VWC2: variants seen among roughly 807,000 people sequenced by gnomAD.
The protein encoded by VWC2 is von Willebrand factor C domain containing 2, also known as brorin.
A neutral mutation model predicts 29.8 loss-of-function variants in VWC2; 14 were observed. The observed-to-expected ratio is 0.47, with a 90% CI of 0.31 to 0.74. The LOEUF (loss-of-function observed/expected upper bound fraction) is 0.74, where lower values mean the gene tolerates loss of function less well. Among genes scored for constraint, VWC2 ranks in the 30% least tolerant of loss-of-function variants. The pLI is 0.05. For synonymous variants in VWC2, 213 were observed against 199.0 expected (o/e 1.07, Z -0.59); for missense variants, 457 against 459.8 (o/e 0.99, Z 0.05).
intron 3 of VWC2, among the ~76,000 whole-genome samples, chr7:49,841,444 G>A (rs1260125068): frequency 6.6e-6 from 1 of 152,166 alleles, no homozygotes; most frequent in Non-Finnish European, 1.5e-5. Context: ...ATTTAAGGTA[G>A]GGATTCAGTG....
intron 3 of VWC2, among the ~76,000 whole-genome samples, chr7:49,805,683 A>T (rs1386627390): frequency 6.6e-6 from 1 of 152,238 alleles, no homozygotes; most frequent in Non-Finnish European, 1.5e-5. Context: ...CCACATAAAC[A>T]ATGTTCTTGT....
intron 2 of VWC2, among the ~76,000 whole-genome samples, chr7:49,782,361 A>T (rs1788197234): frequency 6.6e-6 from 1 of 152,140 alleles, no homozygotes. Context: ...AGTTGATATC[A>T]TGAGGAGGTT....
intron 3 of VWC2, among the ~76,000 whole-genome samples, chr7:49,892,878 C>A (rs1205368767): frequency 1.3e-5 from 2 of 152,228 alleles, no homozygotes. Context: ...ATGCTGCCCA[C>A]TCTGCCCCTT....
intron 2 of VWC2, among the ~76,000 whole-genome samples, chr7:49,784,524 T>C (rs1788251847): frequency 6.6e-6 from 1 of 152,102 alleles, no homozygotes; most frequent in Non-Finnish European, 1.5e-5. Context: ...AGAGTTCAGG[T>C]CCCCAAGTAG....
chr7:49,798,353 G>A (rs913038069), intron 2 of VWC2, among the ~76,000 whole-genome samples: 2 of 152,240 alleles, frequency 1.3e-5, no homozygotes, highest in African/African-American at 4.8e-5. Context: ...GGTGAAATGA[G>A]CCTAAAAGAG....
intron 3 of VWC2, among the ~76,000 whole-genome samples, chr7:49,829,359 G>T (rs548927067): frequency 6.6e-6 from 1 of 152,190 alleles, no homozygotes; most frequent in South Asian, 2.1e-4. Flanking sequence ...AGAGTTTTGG[G>T]TTTCTAGGGA....
intron 3 of VWC2, among the ~76,000 whole-genome samples, chr7:49,819,752 G>A (rs558260181): frequency 6.6e-6 from 1 of 152,174 alleles, no homozygotes; most frequent in Non-Finnish European, 1.5e-5. Flanking sequence ...GGGGGCCCGT[G>A]GGGGAGGGCA....
chr7:49,838,476 G>T (rs995574242), intron 3 of VWC2, among the ~76,000 whole-genome samples: 4 of 152,028 alleles, frequency 2.6e-5, no homozygotes, highest in African/African-American at 9.7e-5. Context: ...TTGGGATCTT[G>T]TCAGTGGAGG....
intron 3 of VWC2, among the ~76,000 whole-genome samples, chr7:49,906,929 G>C (rs1793130268): frequency 6.6e-6 from 1 of 151,928 alleles, no homozygotes; most frequent in Non-Finnish European, 1.5e-5. Context: ...TGAAGCAGAT[G>C]ATAAAAAAAA....
At chr7:49,786,954 T>C (rs10279775) in intron 2 of VWC2, among the ~76,000 whole-genome samples, 14,634 of 152,206 alleles carry the variant, frequency 0.096, 2,155 homozygotes, top group African/African-American at 0.32. Context: ...ATAGATTCTT[T>C]CACTGTGCAG....
chr7:49,783,937 A>G (rs1788236331), intron 2 of VWC2, among the ~76,000 whole-genome samples: 1 of 152,206 alleles, frequency 6.6e-6, no homozygotes, highest in East Asian at 1.9e-4. Context: ...AAAGAAATTA[A>G]AATGCCAGGT....
At chr7:49,791,018 A>G (rs1175678705) in intron 2 of VWC2, among the ~76,000 whole-genome samples, 1 of 152,078 alleles carries the variant, frequency 6.6e-6, no homozygotes, top group Non-Finnish European at 1.5e-5. Flanking sequence ...GTATGACCAG[A>G]CTTCAGTTCA....
intron 2 of VWC2, 85 bp from the exon 3 acceptor site, chr7:49,802,626 A>G: frequency 6.4e-7 from 1 of 1,559,346 alleles, no homozygotes; most frequent in Non-Finnish European, 8.7e-7. Flanking sequence ...CGACAGAGCG[A>G]GACTCCATTT....
chr7:49,882,185 A>T (rs924257226), intron 3 of VWC2, among the ~76,000 whole-genome samples: 1 of 152,150 alleles, frequency 6.6e-6, no homozygotes, highest in African/African-American at 2.4e-5. Flanking sequence ...TATTAATTTA[A>T]AAGAGAACAA....
chr7:49,786,665 A>G (rs1788305738), intron 2 of VWC2, among the ~76,000 whole-genome samples: 1 of 152,142 alleles, frequency 6.6e-6, no homozygotes, highest in Non-Finnish European at 1.5e-5. Flanking sequence ...ACCTTTTAAT[A>G]ATAGCCATTC....
At chr7:49,839,227 C>T (rs1789738628) in intron 3 of VWC2, among the ~76,000 whole-genome samples, 1 of 152,154 alleles carries the variant, frequency 6.6e-6, no homozygotes, top group South Asian at 2.1e-4. Flanking sequence ...ATTTAAGCTA[C>T]CCAGTCTGTG....
At chr7:49,834,533 T>C (rs1789613104) in intron 3 of VWC2, among the ~76,000 whole-genome samples, 1 of 152,220 alleles carries the variant, frequency 6.6e-6, no homozygotes, top group Non-Finnish European at 1.5e-5. Flanking sequence ...CTGTATTATA[T>C]GCTGAATTAT....
chr7:49,883,561 G>T (rs1791772026), intron 3 of VWC2, among the ~76,000 whole-genome samples: 1 of 152,118 alleles, frequency 6.6e-6, no homozygotes, highest in Non-Finnish European at 1.5e-5. Flanking sequence ...TAAAACATTA[G>T]CTGCACACAT....
chr7:49,869,318 G>A (rs12718225), intron 3 of VWC2, among the ~76,000 whole-genome samples: 106,892 of 152,016 alleles, frequency 0.7, 38,050 homozygotes, highest in East Asian at 0.88. Context: ...GAATCTGGGG[G>A]AGAATATTAG....
Sources: gnomAD v4.1 joint callset for allele counts (sites outside exome capture counted in the v4.1 genomes callset) on GRCh38, gnomAD v4.1.1 for gene constraint, MANE v1.5 for transcripts, NCBI Gene and HGNC (gene_info 2026-07-23, HGNC 2026-07-21) for gene names.